Variants in POLQ observed in about 807,000 individuals in gnomAD.
POLQ encodes the protein epididymis secretory sperm binding protein.
POLQ carries 233 observed loss-of-function variants against 259.2 expected under a neutral mutation model. The observed-to-expected ratio is 0.90, with a 90% CI of 0.81 to 1.00. The LOEUF (loss-of-function observed/expected upper bound fraction) is 1.00. Ranked by LOEUF, POLQ falls within the 50% of genes least tolerant of loss-of-function variation. The pLI, the probability that POLQ is intolerant of heterozygous loss-of-function variation, is 0.00. For synonymous variants in POLQ, 1,025 were observed against 1,048.8 expected, an observed-to-expected ratio of 0.98 and a Z score of 0.44; for missense variants, 2,871 against 3,051.6, an observed-to-expected ratio of 0.94 and a Z score of 1.39.
chr3:121,472,251 A>C, intron 21 of POLQ, 87 bp from the exon 22 acceptor site: 2 of 612,144 alleles, frequency 3.3e-6, no homozygotes, highest in Non-Finnish European at 5.4e-6. Flanking sequence ...ATACAGTCTC[A>C]AAATTAAATT....
At chr3:121,473,957 G>C (rs1001710867) in intron 20 of POLQ, among the ~76,000 whole-genome samples, 1 of 152,016 alleles carries the variant, frequency 6.6e-6, no homozygotes, top group Non-Finnish European at 1.5e-5. Flanking sequence ...AAACTCCTAA[G>C]CTCAAGCAAC....
intron 24 of POLQ, among the ~76,000 whole-genome samples, chr3:121,462,821 T>C (rs773718647): frequency 1.3e-5 from 2 of 152,184 alleles, no homozygotes; most frequent in East Asian, 1.9e-4. Flanking sequence ...CAGGCTACTC[T>C]AAACATTTGT....
chr3:121,528,298 T>C (rs1361509528), intron 7 of POLQ, among the ~76,000 whole-genome samples: 1 of 87,726 alleles, frequency 1.1e-5, no homozygotes, highest in Non-Finnish European at 2.5e-5. Flanking sequence ...ATTTTTGTAT[T>C]TAGGAGAGAT....
chr3:121,524,716 A>T (rs2048360302), intron 7 of POLQ, among the ~76,000 whole-genome samples: 1 of 152,106 alleles, frequency 6.6e-6, no homozygotes, highest in Non-Finnish European at 1.5e-5. Context: ...CAGTTGCCTA[A>T]GTCTGGAATA....
At chr3:121,492,179 A>G (rs1191683132) in intron 15 of POLQ, among the ~76,000 whole-genome samples, 3 of 152,180 alleles carry the variant, frequency 2.0e-5, no homozygotes, top group Non-Finnish European at 1.5e-5. Flanking sequence ...AGTGAGTGGG[A>G]GGGAAGAAAC....
chr3:121,531,702 T>A (rs1029058453), intron 6 of POLQ, among the ~76,000 whole-genome samples: 1 of 151,966 alleles, frequency 6.6e-6, no homozygotes, highest in Non-Finnish European at 1.5e-5. Flanking sequence ...ATAATCCAGG[T>A]AAGAAATATA....
At chr3:121,436,935 G>C (rs1014439854) in intron 27 of POLQ, among the ~76,000 whole-genome samples, 1 of 151,920 alleles carries the variant, frequency 6.6e-6, no homozygotes, top group African/African-American at 2.4e-5. Flanking sequence ...AGTAGAGAAG[G>C]GAGTCTGGGT....
chr3:121,542,811 A>AT (rs1428923688), intron 2 of POLQ, among the ~76,000 whole-genome samples: 1 of 151,920 alleles, frequency 6.6e-6, no homozygotes, highest in Non-Finnish European at 1.5e-5. Context: ...TTAAACAAAA[A>AT]TTTTTTTTAA....
chr3:121,457,840 A>T (rs1039950077), intron 25 of POLQ, among the ~76,000 whole-genome samples: 1 of 152,168 alleles, frequency 6.6e-6, no homozygotes, highest in African/African-American at 2.4e-5. Context: ...TTCCTCAGGG[A>T]TCTAGTACTA....
rs1329904018 is a variant in POLQ, at chr3:121,490,065, CT to C, written c.2865del (p.Ile955MetfsTer5). ...SDSYIKHSPN[I>X]VQDLNKSREH... Reference sequence around the variant, plus strand: ...TCTCTACTTTTATTTAAGTCTTGCACTATATTTGGTGAATGCTTAATATAAG... The same window carrying C: ...TCTCTACTTTTATTTAAGTCTTGCACATATTTGGTGAATGCTTAATATAAG... On this transcript the variant is annotated frameshift_variant, in exon 16 of 30. Coordinates refer to ENST00000264233, the MANE Select transcript of POLQ (RefSeq NM_199420.4). LOFTEE classifies it high-confidence loss of function. 4 of 1,579,716 alleles carry C rather than the reference CT, an allele frequency of 2.5e-6. No homozygotes were observed. The highest frequency in any genetic ancestry group is 3.7e-5 in the Admixed American group (2 of 53,552).
At chr3:121,441,706 G>A (rs957467604) in intron 26 of POLQ, among the ~76,000 whole-genome samples, 2 of 152,108 alleles carry the variant, frequency 1.3e-5, no homozygotes, top group African/African-American at 2.4e-5. Context: ...ATTCACATAC[G>A]AGCCTTCCTT....
At chr3:121,454,321 C>G (rs1343597264) in intron 25 of POLQ, among the ~76,000 whole-genome samples, 1 of 152,186 alleles carries the variant, frequency 6.6e-6, no homozygotes, top group African/African-American at 2.4e-5. Flanking sequence ...GAAACTACAT[C>G]AACTAATGAG....
chr3:121,437,533 T>C (rs949793282), intron 27 of POLQ, among the ~76,000 whole-genome samples: 8 of 152,222 alleles, frequency 5.3e-5, no homozygotes, highest in South Asian at 2.1e-4. Flanking sequence ...TAAAATTATA[T>C]TAGCTTAATA....
intron 19 of POLQ, among the ~76,000 whole-genome samples, chr3:121,480,991 G>A (rs1375766340): frequency 1.3e-5 from 2 of 152,134 alleles, no homozygotes; most frequent in Non-Finnish European, 2.9e-5. Context: ...GCTCTCTGTA[G>A]TCAGGGTGCT....
intron 18 of POLQ, among the ~76,000 whole-genome samples, chr3:121,482,289 C>T (rs2047977416): frequency 1.3e-5 from 2 of 152,084 alleles, no homozygotes; most frequent in South Asian, 2.1e-4. Context: ...GAGACTGAGG[C>T]GGGTTGATCA....
chr3:121,515,483 T>C (rs928392257), intron 9 of POLQ, among the ~76,000 whole-genome samples: 20 of 152,296 alleles, frequency 1.3e-4, no homozygotes, highest in East Asian at 7.7e-4. Flanking sequence ...CAAGAGGCGA[T>C]TGCAGTTTCA....
intron 26 of POLQ, 66 bp downstream of exon 26, chr3:121,449,249 C>T (rs2047653759): frequency 2.4e-6 from 2 of 829,420 alleles, no homozygotes; most frequent in Non-Finnish European, 3.9e-6. Flanking sequence ...AATTCCATTA[C>T]ACAAATTTTT....
chr3:121,480,280 A>G (rs919618963), intron 19 of POLQ, among the ~76,000 whole-genome samples: 1 of 152,140 alleles, frequency 6.6e-6, no homozygotes, highest in African/African-American at 2.4e-5. Context: ...TTTCTATGTC[A>G]GATGAGAATA....
At chr3:121,453,130 G>A (rs543256227) in intron 25 of POLQ, among the ~76,000 whole-genome samples, 3 of 152,300 alleles carry the variant, frequency 2.0e-5, no homozygotes, top group Admixed American at 2.0e-4. Context: ...AGGCAACCAA[G>A]GTCTGGAGTG....
Sources: allele counts gnomAD v4.1 joint callset (sites outside exome capture counted in the v4.1 genomes callset), GRCh38; gene constraint gnomAD v4.1.1; transcripts MANE v1.5; gene names NCBI Gene and HGNC (gene_info 2026-07-23, HGNC 2026-07-21).